The following RAPGEF4 variants were observed in gnomAD, a reference collection of about 807,000 sequenced individuals.
RAPGEF4 encodes the protein RAP guanine-nucleotide-exchange factor (GEF) 4.
RAPGEF4 carries 66 observed loss-of-function variants against 147.9 expected under a neutral mutation model. The ratio of observed to expected loss-of-function variants is 0.45; its 90% CI spans 0.37 to 0.55. RAPGEF4 has a LOEUF of 0.55. RAPGEF4 is among the 20% of genes least tolerant of loss of function. The pLI, the probability that RAPGEF4 is intolerant of heterozygous loss-of-function variation, is 0.00. For missense variants in RAPGEF4, 1,071 were observed against 1,257.3 expected, an observed-to-expected ratio of 0.85 and a Z score of 2.24; for synonymous variants, 419 against 442.7, an observed-to-expected ratio of 0.95 and a Z score of 0.67.
At position 172,836,726 on chromosome 2, in the gene RAPGEF4, G is replaced by A. The variant is rs185242567; in HGVS notation, c.444+22301G>A. Among the ~76,000 whole-genome samples the A allele has an allele frequency of 3.1e-4, 47 of 152,312 alleles. No individual in the cohort carries two copies. In the East Asian group the frequency reaches 7.7e-3, roughly 25 times the overall value. On this transcript the variant is annotated intron_variant, in intron 4 of 30. Coordinates refer to ENST00000397081, the MANE Select transcript of RAPGEF4 (RefSeq NM_007023.4). ...CACACATCCCATCCAGGTAAAGCCA[G>A]GAAATACAACGAGGGCTGGAAATAG... is the stretch of plus-strand genomic sequence containing the variant.
intron 6 of RAPGEF4, among the ~76,000 whole-genome samples, chr2:172,945,325 A>G (rs1403992905): frequency 1.3e-5 from 2 of 152,128 alleles, no homozygotes; most frequent in Non-Finnish European, 2.9e-5. Context: ...AAGGCTTAAA[A>G]GGTTTCTTGA....
intron 17 of RAPGEF4, among the ~76,000 whole-genome samples, chr2:173,003,968 G>T (rs1694201590): frequency 6.6e-6 from 1 of 152,156 alleles, no homozygotes; most frequent in Non-Finnish European, 1.5e-5. Flanking sequence ...TATTTTTAAA[G>T]TGCTTAACAT....
intron 5 of RAPGEF4, among the ~76,000 whole-genome samples, chr2:172,919,635 C>T (rs1185391270): frequency 6.6e-6 from 1 of 152,168 alleles, no homozygotes; most frequent in Non-Finnish European, 1.5e-5. Context: ...CTGATACAAA[C>T]ACTTCCCAAA....
intron 1 of RAPGEF4, among the ~76,000 whole-genome samples, chr2:172,766,205 C>A (rs980396882): frequency 6.6e-6 from 1 of 151,894 alleles, no homozygotes; most frequent in African/African-American, 2.4e-5. Flanking sequence ...TTGAGGTAGA[C>A]CATGATACAA....
chr2:172,865,139 G>T (rs116811508), intron 4 of RAPGEF4, among the ~76,000 whole-genome samples: 2,421 of 152,220 alleles, frequency 0.016, 85 homozygotes, highest in African/African-American at 0.056. Flanking sequence ...GGCTTCTGTG[G>T]CACATCCATC....
intron 4 of RAPGEF4, among the ~76,000 whole-genome samples, chr2:172,897,621 C>T (rs957870108): frequency 9.9e-5 from 15 of 151,802 alleles, no homozygotes; most frequent in African/African-American, 3.4e-4. Flanking sequence ...AGGCTATTCT[C>T]GAACTCCTGG....
intron 4 of RAPGEF4, among the ~76,000 whole-genome samples, chr2:172,877,642 C>A (rs1441968183): frequency 4.6e-5 from 7 of 152,148 alleles, no homozygotes; most frequent in African/African-American, 1.7e-4. Flanking sequence ...GCTGCGGCAC[C>A]AGCTGTAACC....
chr2:172,896,845 TC>T (rs1698530844), intron 4 of RAPGEF4, among the ~76,000 whole-genome samples: 1 of 152,226 alleles, frequency 6.6e-6, no homozygotes, highest in African/African-American at 2.4e-5. Flanking sequence ...GCTTGGTTTC[TC>T]CTTTTGTTTG....
chr2:172,754,294 A>G (rs1211904656), intron 1 of RAPGEF4, among the ~76,000 whole-genome samples: 1 of 152,206 alleles, frequency 6.6e-6, no homozygotes, highest in African/African-American at 2.4e-5. Flanking sequence ...GGCTGAAATC[A>G]TACAGATCAT....
At chr2:172,790,546 G>C (rs1369699903) in intron 1 of RAPGEF4, among the ~76,000 whole-genome samples, 1 of 152,106 alleles carries the variant, frequency 6.6e-6, no homozygotes, top group Non-Finnish European at 1.5e-5. Flanking sequence ...TCATCATTTT[G>C]ATATACTGCA....
At chr2:172,766,385 C>T (rs1458344706) in intron 1 of RAPGEF4, among the ~76,000 whole-genome samples, 2 of 152,116 alleles carry the variant, frequency 1.3e-5, no homozygotes, top group African/African-American at 4.8e-5. Flanking sequence ...AACCCCGTCT[C>T]TACTAAAAAT....
At chr2:172,905,370 C>A (rs528489643) in intron 4 of RAPGEF4, among the ~76,000 whole-genome samples, 34 of 152,338 alleles carry the variant, frequency 2.2e-4, no homozygotes, top group African/African-American at 7.7e-4. Context: ...TATTTGTTGA[C>A]TGACTAAATG....
At chr2:172,927,561 A>G (rs753734195) in intron 6 of RAPGEF4, among the ~76,000 whole-genome samples, 8 of 152,076 alleles carry the variant, frequency 5.3e-5, no homozygotes, top group Non-Finnish European at 8.8e-5. Context: ...GCTTAAGCCC[A>G]GGAGTTGAGG....
At chr2:172,915,825 G>C (rs1226035802) in intron 4 of RAPGEF4, among the ~76,000 whole-genome samples, 2 of 152,088 alleles carry the variant, frequency 1.3e-5, no homozygotes, top group Non-Finnish European at 2.9e-5. Flanking sequence ...GTTGAATGTG[G>C]AGTATGTGGT....
At chr2:172,949,111 A>G (rs1035437686) in intron 6 of RAPGEF4, among the ~76,000 whole-genome samples, 2 of 152,200 alleles carry the variant, frequency 1.3e-5, no homozygotes, top group Admixed American at 6.5e-5. Flanking sequence ...TAGCCTTTTC[A>G]TATCTAACCA....
chr2:172,742,195 A>G (rs1694359318), intron 1 of RAPGEF4, among the ~76,000 whole-genome samples: 1 of 152,216 alleles, frequency 6.6e-6, no homozygotes, highest in South Asian at 2.1e-4. Context: ...TTAGTTCTCT[A>G]ATATAATCAA....
intron 10 of RAPGEF4, among the ~76,000 whole-genome samples, chr2:172,979,459 C>T (rs1691445957): frequency 6.6e-6 from 1 of 152,192 alleles, no homozygotes; most frequent in Non-Finnish European, 1.5e-5. Context: ...ATGTATATTA[C>T]CTGATTTGAC....
intron 29 of RAPGEF4, among the ~76,000 whole-genome samples, chr2:173,045,503 G>T (rs1409860348): frequency 6.6e-6 from 1 of 152,214 alleles, no homozygotes; most frequent in Admixed American, 6.5e-5. Flanking sequence ...AGATCTGGGG[G>T]TGTGAAGATA....
chr2:172,995,526 C>T (rs1460775566), intron 15 of RAPGEF4, among the ~76,000 whole-genome samples: 2 of 152,108 alleles, frequency 1.3e-5, no homozygotes, highest in South Asian at 2.1e-4. Context: ...GCAATCCGCC[C>T]GCCTCGGCCT....
Sources: allele counts gnomAD v4.1 joint callset (sites outside exome capture counted in the v4.1 genomes callset), GRCh38; gene constraint gnomAD v4.1.1; transcripts MANE v1.5; gene names NCBI Gene and HGNC (gene_info 2026-07-23, HGNC 2026-07-21).